Variants in GALK2 observed in about 807,000 individuals in gnomAD.
The protein encoded by GALK2 is N-acetylgalactosamine kinase.
In GALK2, 36 loss-of-function variants were observed where a neutral mutation model predicts 52.4. That is an observed-to-expected ratio of 0.69 (90% CI 0.53 to 0.91). The LOEUF (loss-of-function observed/expected upper bound fraction) is 0.91. GALK2 is among the 40% of genes least tolerant of loss of function. The pLI is 0.00. For synonymous variants in GALK2, 176 were observed against 199.1 expected (o/e 0.88, Z 0.98); for missense variants, 579 against 559.1 (o/e 1.04, Z -0.36).
chr15:49,319,858 T>C, intron 9 of GALK2, 53 bp downstream of exon 9: 2 of 1,475,004 alleles, frequency 1.4e-6, no homozygotes, highest in African/African-American at 2.8e-5. Context: ...ATTGTTTAAA[T>C]TAATGGAAAA....
intron 8 of GALK2, among the ~76,000 whole-genome samples, chr15:49,309,852 CA>C (rs1385286793): frequency 1.3e-5 from 2 of 152,086 alleles, no homozygotes; most frequent in East Asian, 3.9e-4. Flanking sequence ...CTCCCGACCT[CA>C]GGTGATCCAC....
chr15:49,207,221 T>G (rs1458107703), intron 2 of GALK2, among the ~76,000 whole-genome samples: 1 of 152,178 alleles, frequency 6.6e-6, no homozygotes, highest in Non-Finnish European at 1.5e-5. Flanking sequence ...TTTTGATATA[T>G]TGTTGGATTT....
At chr15:49,278,827 A>G (rs989175638) in intron 5 of GALK2, among the ~76,000 whole-genome samples, 16 of 152,234 alleles carry the variant, frequency 1.1e-4, no homozygotes, top group Admixed American at 1.0e-3. Context: ...AATACTTGAT[A>G]CTGGGTAATT....
chr15:49,348,079 G>A (rs1326519013), intron 3 of GALK2, among the ~76,000 whole-genome samples: 1 of 148,856 alleles, frequency 6.7e-6, no homozygotes, highest in East Asian at 2.0e-4. Context: ...CAAATGATCA[G>A]CTTTAGTTAT....
At chr15:49,159,204 G>A (rs770838521) in intron 1 of GALK2, among the ~76,000 whole-genome samples, 1 of 152,110 alleles carries the variant, frequency 6.6e-6, no homozygotes, top group African/African-American at 2.4e-5. Flanking sequence ...TGCCATTATT[G>A]TTATACATTC....
In GALK2 at chr15:49,306,318, AATAAC is replaced by A. The variant is rs1178410923; in HGVS notation, c.968-13281_968-13277del. 4.6e-5 allele frequency among the ~76,000 whole-genome samples: 7 copies of A among 152,162 alleles called. No homozygotes were observed. The East Asian group carries it at 5.8e-4, about 13-fold the overall frequency. On this transcript the variant is annotated intron_variant, in intron 8 of 9. Coordinates refer to ENST00000560031, the MANE Select transcript of GALK2 (RefSeq NM_002044.4). ...TACTTTTTCATCATTTTGGGAAATAAATAACATAAGTAGAGATAGATTTTTATTCC... is the reference window on the plus strand; with the variant it reads ...TACTTTTTCATCATTTTGGGAAATAAATAAGTAGAGATAGATTTTTATTCC...
rs147294017 is a variant in GALK2, at chr15:49,210,179, T to C, written c.143-7011T>C. Among the ~76,000 whole-genome samples, 402 of 146,164 alleles carry C rather than the reference T, an allele frequency of 2.8e-3. 3 individuals carry two copies. Among genetic ancestry groups the C allele is most frequent in the African/African-American group, 9.7e-3 (379 of 38,976 alleles). ...GTATTTTGTGGTGTCACTTGTAATGTCTCCTTTTCTGTTTTTTTTAATTTT... is the reference window on the plus strand; with the variant it reads ...GTATTTTGTGGTGTCACTTGTAATGCCTCCTTTTCTGTTTTTTTTAATTTT... On this transcript the variant is annotated intron_variant, in intron 2 of 9. Coordinates refer to ENST00000560031, the MANE Select transcript of GALK2 (RefSeq NM_002044.4).
chr15:49,283,193 T>G (rs1242157411), intron 6 of GALK2, among the ~76,000 whole-genome samples: 1 of 152,222 alleles, frequency 6.6e-6, no homozygotes, highest in Non-Finnish European at 1.5e-5. Context: ...TTTTTTCATC[T>G]TTTAGAACTC....
At chr15:49,335,269 C>G, downstream of GALK2, 1 of 583,374 alleles carries the variant, frequency 1.7e-6, no homozygotes. Flanking sequence ...ACACCCTTGA[C>G]ACTTACCTGA....
intron 5 of GALK2, among the ~76,000 whole-genome samples, chr15:49,273,928 T>C (rs2031200061): frequency 6.6e-6 from 1 of 152,200 alleles, no homozygotes; most frequent in Non-Finnish European, 1.5e-5. Flanking sequence ...ACAGTTTATT[T>C]CACTAGGACT....
At chr15:49,228,698 T>TTTTTTTTA (rs2090328947) in intron 3 of GALK2, among the ~76,000 whole-genome samples, 1 of 80,180 alleles carries the variant, frequency 1.2e-5, no homozygotes, top group African/African-American at 5.4e-5. Context: ...TTTTTTTTTT[T>TTTTTTTTA]TTTTTTTTTT....
Position 49,350,662 on chromosome 15 carries a change from G to A in GALK2, c.427-16829G>A, listed in dbSNP as rs144102789. 9.9e-5 allele frequency among the ~76,000 whole-genome samples: 15 copies of A among 152,230 alleles called. No homozygotes were observed. In the East Asian group the frequency reaches 2.5e-3, roughly 25 times the overall value. ...AACCCCTATGAGGGTACTGTGATTT[G>A]CCTTTTCCCGTAATCTAATTTTTGA... On this transcript the variant is annotated intron_variant, in intron 3 of 3. Coordinates refer to the GALK2 transcript ENST00000558399.
chr15:49,314,949 T>C (rs1266669716), intron 8 of GALK2, among the ~76,000 whole-genome samples: 2 of 152,242 alleles, frequency 1.3e-5, no homozygotes, highest in African/African-American at 4.8e-5. Context: ...AGGAGCCACA[T>C]GGTGTGCTGG....
At chr15:49,159,770 A>G (rs954348199) in intron 1 of GALK2, among the ~76,000 whole-genome samples, 24 of 152,100 alleles carry the variant, frequency 1.6e-4, no homozygotes, top group Non-Finnish European at 2.9e-4. Context: ...ATATTTTATT[A>G]TGATAAATTT....
chr15:49,267,171 C>T (rs1407862735), intron 5 of GALK2, among the ~76,000 whole-genome samples: 2 of 152,144 alleles, frequency 1.3e-5, no homozygotes, highest in Non-Finnish European at 2.9e-5. Flanking sequence ...ACTCTGAATA[C>T]AGCATGGCCA....
rs1338004918 is a variant in GALK2, at chr15:49,330,731, G to C, written c.*2572G>C. ...TGTGCCCATGTCCCTATCAATAGTA[G>C]GGAAGATAGACCAAAAAAAAAAAAA... On this transcript the variant is annotated 3_prime_UTR_variant, in exon 10 of 10. Coordinates refer to ENST00000560031, the MANE Select transcript of GALK2 (RefSeq NM_002044.4). The C allele has an allele frequency of 6.7e-6, 1 of 149,284 alleles. No homozygotes were observed. The highest frequency in any genetic ancestry group is 1.5e-5 in the Non-Finnish European group (1 of 67,714). The allele number at this position is 149,284 out of a possible 1,614,324, so 9.2% of individuals were successfully genotyped here.
downstream of GALK2, chr15:49,335,588 ACCTTCACTTTTCAGTAAT>A (rs1329367151): frequency 1.2e-5 from 10 of 836,640 alleles, 1 homozygote; most frequent in African/African-American, 1.7e-4. Flanking sequence ...GGACCGTGTG[ACCTTCACTTTTCAGTAAT>A]GAAGAGTCTC....
chr15:49,254,423 G>A (rs2091730787), intron 5 of GALK2, among the ~76,000 whole-genome samples: 1 of 144,044 alleles, frequency 6.9e-6, no homozygotes, highest in Admixed American at 7.0e-5. Flanking sequence ...TTATGTTATT[G>A]CTTTGTAAAA....
intron 3 of GALK2, among the ~76,000 whole-genome samples, chr15:49,355,173 A>G (rs1308269941): frequency 6.6e-6 from 1 of 152,102 alleles, no homozygotes; most frequent in Admixed American, 6.5e-5. Flanking sequence ...AACTCTAAAA[A>G]GCAGAGCGCC....
Sources: gnomAD v4.1 joint callset for allele counts (sites outside exome capture counted in the v4.1 genomes callset) on GRCh38, gnomAD v4.1.1 for gene constraint, MANE v1.5 for transcripts, NCBI Gene and HGNC (gene_info 2026-07-23, HGNC 2026-07-21) for gene names.